Variants in LIPC observed in about 807,000 individuals in gnomAD.
LIPC encodes lipase C, hepatic type, also known as hepatic triacylglycerol lipase.
In LIPC, 44 loss-of-function variants were observed where a neutral mutation model predicts 50.7. That is an observed-to-expected ratio of 0.87 (90% CI 0.68 to 1.11). The LOEUF (loss-of-function observed/expected upper bound fraction) is 1.11. LIPC is among the 50% of genes most tolerant of loss of function. LIPC has a pLI of 0.00. For missense variants in LIPC, 697 were observed against 648.2 expected, an observed-to-expected ratio of 1.08 and a Z score of -0.82; for synonymous variants, 271 against 256.4, an observed-to-expected ratio of 1.06 and a Z score of -0.54.
At chr15:58,508,227 G>A (rs1192047939) in intron 1 of LIPC, among the ~76,000 whole-genome samples, 1 of 151,968 alleles carries the variant, frequency 6.6e-6, no homozygotes, top group Non-Finnish European at 1.5e-5. Context: ...TGAGAGATGG[G>A]GTAGGGCCAA....
chr15:58,533,251 C>T (rs1192279253), intron 1 of LIPC: 2 of 744,980 alleles, frequency 2.7e-6, no homozygotes, highest in African/African-American at 3.8e-5. Context: ...TCACTCATAG[C>T]TAAAGCATAT....
chr15:58,541,605 C>A, intron 2 of LIPC, 180 bp from the exon 3 acceptor site: 2 of 678,970 alleles, frequency 2.9e-6, no homozygotes, highest in Non-Finnish European at 2.6e-6. Flanking sequence ...TGCTAAACAT[C>A]GTACAATGCC....
In LIPC at chr15:58,471,328, T is replaced by TGGC. The variant is rs1555399296; in HGVS notation, c.88+39210_88+39211insCGG. 4.4e-5 allele frequency among the ~76,000 whole-genome samples: 5 copies of TGGC among 114,238 alleles called. No homozygotes were observed. In the South Asian group the frequency reaches 9.8e-4, roughly 22 times the overall value. 74.9% of individuals were successfully genotyped at this position (114,238 alleles called of 152,430 possible). A position where few individuals can be genotyped will look rare whatever the true frequency, so the allele number is the denominator to read the frequency against. Reference sequence around the variant, plus strand: ...ATTTTTTTTGTATTTTTAGTAGAGATGGGGGGGGGTGGTCTCACCATGTTG... The same window carrying TGGC: ...ATTTTTTTTGTATTTTTAGTAGAGATGGCGGGGGGGGGTGGTCTCACCATGTTG... On this transcript the variant is annotated intron_variant, in intron 1 of 8. Coordinates refer to ENST00000299022, the MANE Select transcript of LIPC (RefSeq NM_000236.3).
chr15:58,432,855 T>C (rs1260372901), intron 1 of LIPC, among the ~76,000 whole-genome samples: 3 of 152,228 alleles, frequency 2.0e-5, no homozygotes, highest in Admixed American at 1.3e-4. Flanking sequence ...TACTGGTTAC[T>C]GGTCAGGAGC....
chr15:58,519,627 CCTTG>C (rs1182731670), intron 1 of LIPC, among the ~76,000 whole-genome samples: 2 of 152,206 alleles, frequency 1.3e-5, no homozygotes, highest in Non-Finnish European at 2.9e-5. Flanking sequence ...GTTCTCTCTG[CCTTG>C]CTTAGGAGCT....
chr15:58,537,197 C>T lies in LIPC; in HGVS notation c.89-1136C>T, dbSNP rs1253669180. On this transcript the variant is annotated intron_variant, in intron 1 of 8. Coordinates refer to ENST00000299022, the MANE Select transcript of LIPC (RefSeq NM_000236.3). ...ATCTTGACATGCCACGCCATGGAAA[C>T]GCGCCACCTTGCCAGGCTCTACCAG... 5.3e-5 allele frequency among the ~76,000 whole-genome samples: 8 copies of T among 152,198 alleles called. No individual in the cohort carries two copies. In the South Asian group the frequency reaches 1.7e-3, roughly 31 times the overall value.
At chr15:58,561,787 A>G (rs1894172899) in intron 7 of LIPC, among the ~76,000 whole-genome samples, 1 of 152,178 alleles carries the variant, frequency 6.6e-6, no homozygotes, top group Non-Finnish European at 1.5e-5. Flanking sequence ...AGTCTGCTTC[A>G]TCAGTCTTAA....
At chr15:58,438,578 AGCGGGTGG>A (rs1737694077) in intron 1 of LIPC, among the ~76,000 whole-genome samples, 2 of 152,220 alleles carry the variant, frequency 1.3e-5, no homozygotes, top group African/African-American at 4.8e-5. Flanking sequence ...TCTGTCCAGC[AGCGGGTGG>A]AGGAGCCGCG....
chr15:58,471,354 G>A (rs1890798817), intron 1 of LIPC, among the ~76,000 whole-genome samples: 2 of 146,708 alleles, frequency 1.4e-5, no homozygotes, highest in South Asian at 2.1e-4. Flanking sequence ...CACCATGTTG[G>A]CCAAGCTGGT....
rs922653252 is a variant in LIPC, at chr15:58,569,650, C to T, written c.*823C>T. On this transcript the variant is annotated 3_prime_UTR_variant, in exon 9 of 9. Coordinates refer to ENST00000299022, the MANE Select transcript of LIPC (RefSeq NM_000236.3). ...GATCAGGTCATGAGGGTGGAGCCCT[C>T]ATAAGTGGGATTAGTGCCCTTATAG... The T allele has an allele frequency of 5.9e-5, 9 of 152,102 alleles. No individual in the cohort carries two copies. Among genetic ancestry groups the T allele is most frequent in the African/African-American group, 2.2e-4 (9 of 41,398 alleles). The allele number at this position is 152,102 out of a possible 1,614,324, so 9.4% of individuals were successfully genotyped here. A position where few individuals can be genotyped will look rare whatever the true frequency, so the allele number is the denominator to read the frequency against.
chr15:58,506,081 G>A (rs985093202), intron 1 of LIPC, among the ~76,000 whole-genome samples: 1 of 152,142 alleles, frequency 6.6e-6, no homozygotes, highest in Non-Finnish European at 1.5e-5. Context: ...TGTCTCTGTG[G>A]TGTGTGCCCC....
intron 1 of LIPC, among the ~76,000 whole-genome samples, chr15:58,446,688 C>G (rs1595854518): frequency 6.6e-6 from 1 of 152,246 alleles, no homozygotes; most frequent in East Asian, 1.9e-4. Context: ...GCTTGCACAC[C>G]TCTCTCCCTG....
intron 1 of LIPC, among the ~76,000 whole-genome samples, chr15:58,442,182 T>G (rs1056397871): frequency 5.6e-4 from 85 of 152,322 alleles, no homozygotes; most frequent in African/African-American, 1.9e-3. Context: ...TGGGTGTGAA[T>G]GGGACTGATT....
chr15:58,475,472 C>T (rs1480039285), intron 1 of LIPC, among the ~76,000 whole-genome samples: 3 of 152,212 alleles, frequency 2.0e-5, no homozygotes, highest in Non-Finnish European at 4.4e-5. Flanking sequence ...GCCCAACACA[C>T]TCCCGTTCTT....
chr15:58,541,386 G>A lies in LIPC; in HGVS notation c.274-399G>A, dbSNP rs1486388422. On this transcript the variant is annotated intron_variant, in intron 2 of 8. Transcript: ENST00000299022. Reference sequence around the variant, plus strand: ...AAGGAGGCGTACAAATGGCCCTAAGGGACAGGTCAGCTTCCAGGACCTGAT... The same window carrying A: ...AAGGAGGCGTACAAATGGCCCTAAGAGACAGGTCAGCTTCCAGGACCTGAT... 3.3e-5 allele frequency among the ~76,000 whole-genome samples: 5 copies of A among 151,850 alleles called. No homozygotes were observed. The South Asian group carries it at 1.0e-3, about 32-fold the overall frequency.
intron 1 of LIPC, among the ~76,000 whole-genome samples, chr15:58,532,916 G>A (rs1423462158): frequency 6.6e-6 from 1 of 152,174 alleles, no homozygotes; most frequent in African/African-American, 2.4e-5. Context: ...AATAATATTA[G>A]AAATGTAATG....
chr15:58,476,924 C>T (rs371517480), intron 1 of LIPC, among the ~76,000 whole-genome samples: 5 of 152,224 alleles, frequency 3.3e-5, no homozygotes, highest in Admixed American at 2.6e-4. Flanking sequence ...ACCCAGGGCA[C>T]GTCCTGCTCT....
chr15:58,490,261 G>C (rs926829752), intron 1 of LIPC, among the ~76,000 whole-genome samples: 2 of 152,214 alleles, frequency 1.3e-5, no homozygotes, highest in African/African-American at 4.8e-5. Flanking sequence ...CCTAGAGCCA[G>C]CGACACTCAG....
chr15:58,551,189 C>T (rs1893747279), intron 6 of LIPC, among the ~76,000 whole-genome samples: 1 of 152,056 alleles, frequency 6.6e-6, no homozygotes, highest in Non-Finnish European at 1.5e-5. Context: ...TCTCCTGCAG[C>T]CCCTCCAGTG....
Sources: gnomAD v4.1 joint callset for allele counts (sites outside exome capture counted in the v4.1 genomes callset) on GRCh38, gnomAD v4.1.1 for gene constraint, MANE v1.5 for transcripts, NCBI Gene and HGNC (gene_info 2026-07-23, HGNC 2026-07-21) for gene names.